TERT: variants seen among roughly 807,000 people sequenced by gnomAD.
TERT encodes telomerase catalytic subunit.
Under a neutral mutation model 104.0 loss-of-function variants are expected in TERT, and 42 were observed. The ratio of observed to expected loss-of-function variants is 0.40; its 90% CI spans 0.32 to 0.52. The LOEUF (loss-of-function observed/expected upper bound fraction) is 0.52, where lower values mean the gene tolerates loss of function less well. TERT is among the 20% of genes least tolerant of loss of function. The pLI is 0.43. For missense variants in TERT, 1,101 were observed against 1,610.3 expected, an observed-to-expected ratio of 0.68 and a Z score of 5.41; for synonymous variants, 781 against 725.6, an observed-to-expected ratio of 1.08 and a Z score of -1.23.
intron 14 of TERT, 76 bp from the exon 15 acceptor site, chr5:1,254,581 C>T (rs1747582089): frequency 6.6e-7 from 1 of 1,523,082 alleles, no homozygotes; most frequent in Non-Finnish European, 8.9e-7. Context: ...AAGCTGCCCA[C>T]ACCCGACGGT....
At chr5:1,260,759 C>T (rs1271785940) in intron 11 of TERT, among the ~76,000 whole-genome samples, 159 bp from the exon 12 acceptor site, 2 of 152,204 alleles carry the variant, frequency 1.3e-5, no homozygotes, top group Admixed American at 6.5e-5. Flanking sequence ...ACTCCATGGA[C>T]TCCAAATGCT....
intron 6 of TERT, 104 bp downstream of exon 6, chr5:1,278,537 A>C (rs1338800429): frequency 6.7e-7 from 1 of 1,502,192 alleles, no homozygotes; most frequent in Non-Finnish European, 9.3e-7. Context: ...AAATCATGGA[A>C]GTACCTCCAC....
chr5:1,282,645 C>T (rs1750109741), intron 2 of TERT, 21 bp from the exon 3 acceptor site: 3 of 1,612,926 alleles, frequency 1.9e-6, no homozygotes, highest in Non-Finnish European at 1.7e-6. Flanking sequence ...AAGGACATGC[C>T]ACATCCAGAT....
At chr5:1,258,561 C>T in intron 13 of TERT, 37 bp downstream of exon 13, 7 of 1,552,290 alleles carry the variant, frequency 4.5e-6, no homozygotes, top group Non-Finnish European at 6.1e-6. Context: ...CGGAGGGTCC[C>T]TGGAGGCTGG....
rs1750632881 is a variant in TERT at position 1,288,538 on chromosome 5, A to G, written c.1573+4775T>C. 6.6e-6 allele frequency among the ~76,000 whole-genome samples: 1 copy of G among 152,082 alleles called. No homozygotes were observed. Among genetic ancestry groups the G allele is most frequent in the East Asian group, 1.9e-4 (1 of 5,190 alleles). On this transcript the variant is annotated intron_variant, in intron 2 of 15. Transcript: ENST00000310581. This position sits in a 1 kb window ranked among gnomAD's most constrained non-coding sequence, Gnocchi z 5.3. ...CATGTGAGGGGGCGACTGGAGGCAG[A>G]GCCCAGCCTAAGCAATGAGCGGCAG...
Position 1,294,008 on chromosome 5 carries a change from C to A in TERT, c.878G>T (p.Arg293Leu), listed in dbSNP as rs1309920442. 2 of 1,582,468 alleles carry A rather than the reference C, an allele frequency of 1.3e-6. No homozygotes were observed. The highest frequency in any genetic ancestry group is 1.4e-5 in the African/African-American group (1 of 73,992). Residue 293 changes from arginine (R) to leucine (L), a missense_variant, in exon 2 of 16, where the codon CGC becomes CTC. Transcript: ENST00000310581. Reference protein sequence around the residue: ...TSLEGALSGTRHSHPSVGRQH... With the variant: ...TSLEGALSGTLHSHPSVGRQH... ...GCGGCCCACGGATGGGTGGGAGTGG[C>A]GCGTGCCAGAGAGCGCACCCTCCAA...
chr5:1,264,783 C>T (rs1056757153), intron 10 of TERT, among the ~76,000 whole-genome samples, 191 bp from the exon 11 acceptor site: 19 of 152,272 alleles, frequency 1.2e-4, no homozygotes, highest in Admixed American at 3.3e-4. Context: ...CCCTGTCTCC[C>T]GGGCAGGACA....
chr5:1,260,501 C>T lies in TERT; in HGVS notation c.2943G>A (p.Lys981=), dbSNP rs2126584386. 6.2e-7 allele frequency: 1 copy of T among 1,614,194 alleles called. No homozygotes were observed. The highest frequency in any genetic ancestry group is 8.5e-7 in the Non-Finnish European group (1 of 1,180,020). ...GCAAATCCAGAAACAGGCTGTGACA[C>T]TTCAGCCGCAAGACCCCAAAGAGTT... ...RRKLFGVLRL[K]CHSLFLDLQV... is the part of the protein sequence containing the mutation. The change falls in exon 12 of 16, where the codon AAG becomes AAA. Residue 981 remains lysine, a synonymous_variant. Coordinates refer to ENST00000310581, the MANE Select transcript of TERT (RefSeq NM_198253.3).
chr5:1,255,173 T>C lies in TERT; in HGVS notation c.3157+114A>G. 2 of 1,425,888 alleles carry C rather than the reference T, an allele frequency of 1.4e-6. No homozygotes were observed. The highest frequency in any genetic ancestry group is 1.9e-6 in the Non-Finnish European group (2 of 1,038,932). The allele number at this position is 1,425,888 out of a possible 1,614,324, so 88.3% of individuals were successfully genotyped here. Reference sequence around the variant, plus strand: ...CCTGACAGTGGTTGGGTTAAACCACTTCCTGATGCGAAAAGGGGTAAGAAC... The same window carrying C: ...CCTGACAGTGGTTGGGTTAAACCACCTCCTGATGCGAAAAGGGGTAAGAAC... On this transcript the variant is annotated intron_variant, in intron 14 of 15. Coordinates refer to ENST00000310581, the MANE Select transcript of TERT (RefSeq NM_198253.3). The surrounding 1 kb of genome is among the most constrained non-coding windows in gnomAD (Gnocchi z 6.9).
chr5:1,261,003 G>A lies in TERT; in HGVS notation c.2844-403C>T, dbSNP rs1748193883. Among the ~76,000 whole-genome samples the A allele has an allele frequency of 6.6e-6, 1 of 152,170 alleles. No individual in the cohort carries two copies. On this transcript the variant is annotated intron_variant, in intron 11 of 15. Coordinates refer to ENST00000310581, the MANE Select transcript of TERT (RefSeq NM_198253.3). The surrounding 1 kb of genome is among the most constrained non-coding windows in gnomAD (Gnocchi z 7.4). ...GTGGGAGAACACTGAGTTGGGCGTG[G>A]GGAATCTCACTGTGTTTGAATCTCA... is the stretch of plus-strand genomic sequence containing the variant.
At chr5:1,280,445 C>A in intron 3 of TERT, 107 bp from the exon 4 acceptor site, 1 of 1,260,598 alleles carries the variant, frequency 7.9e-7, no homozygotes, top group Non-Finnish European at 1.1e-6. Flanking sequence ...CTCAGGGCAC[C>A]CACGGCAGCA....
In TERT at chr5:1,253,660, G is replaced by T; in HGVS notation, c.*68C>A. 1 of 1,398,216 alleles carries T rather than the reference G, an allele frequency of 7.2e-7. No individual in the cohort carries two copies. The highest frequency in any genetic ancestry group is 1.0e-6 in the Non-Finnish European group (1 of 1,003,898). The allele number at this position is 1,398,216 out of a possible 1,614,324, so 86.6% of individuals were successfully genotyped here. ...GGGTGTGGGCCGCCCCTCCCTCCCTGGGACGTAGAGCCCGGCGTGACAGGG... is the reference window on the plus strand; with the variant it reads ...GGGTGTGGGCCGCCCCTCCCTCCCTTGGACGTAGAGCCCGGCGTGACAGGG... On this transcript the variant is annotated 3_prime_UTR_variant, in exon 16 of 16. Transcript: ENST00000310581.
chr5:1,286,029 C>T lies in TERT; in HGVS notation c.1574-3405G>A, dbSNP rs923095212. Among the ~76,000 whole-genome samples, 3 of 152,090 alleles carry T rather than the reference C, an allele frequency of 2.0e-5. No homozygotes were observed. The highest frequency in any genetic ancestry group is 4.1e-4 in the South Asian group (2 of 4,826). ...GCTGGCGCCACACCGCAGGTTTGCGCGATTTCAAACTCGACACCGCGGAGC... is the reference window on the plus strand; with the variant it reads ...GCTGGCGCCACACCGCAGGTTTGCGTGATTTCAAACTCGACACCGCGGAGC... On this transcript the variant is annotated intron_variant, in intron 2 of 15. Transcript: ENST00000310581. This position sits in a 1 kb window ranked among gnomAD's most constrained non-coding sequence, Gnocchi z 5.3.
At position 1,260,567 on chromosome 5, in the gene TERT, G is replaced by A; in HGVS notation, c.2877C>T (p.Thr959=). The A allele has an allele frequency of 6.2e-7, 1 of 1,614,172 alleles. No individual in the cohort carries two copies. The highest frequency in any genetic ancestry group is 1.3e-5 in the African/African-American group (1 of 75,058). ...YARTSIRASL[T]FNRGFKAGRN... is the part of the protein sequence containing the mutation. ...TCCCAGCCTTGAAGCCGCGGTTGAA[G>A]GTGAGACTGGCTCTGATGGAGGTCC... Residue 959 remains threonine, a synonymous_variant, in exon 12 of 16, where the codon ACC becomes ACT. Transcript: ENST00000310581.
At chr5:1,275,800 T>C (rs13156298) in intron 6 of TERT, among the ~76,000 whole-genome samples, 304 of 54,240 alleles carry the variant, frequency 5.6e-3, no homozygotes, top group Middle Eastern at 0.023. Flanking sequence ...GAAAACCAAC[T>C]CCACAGATCC....
Position 1,257,163 on chromosome 5 carries a change from G to A in TERT, c.3032+1435C>T, listed in dbSNP as rs1003365515. Reference sequence around the variant, plus strand: ...ACCCAAGGGTCCCCACATGGGTGGGGAAACTCAGCCGCCCTGCCCTGAGCC... The same window carrying A: ...ACCCAAGGGTCCCCACATGGGTGGGAAAACTCAGCCGCCCTGCCCTGAGCC... On this transcript the variant is annotated intron_variant, in intron 13 of 15. Coordinates refer to ENST00000310581, the MANE Select transcript of TERT (RefSeq NM_198253.3). This position sits in a 1 kb window ranked among gnomAD's most constrained non-coding sequence, Gnocchi z 5.6. Among the ~76,000 whole-genome samples, 1 of 152,206 alleles carries A rather than the reference G, an allele frequency of 6.6e-6. No individual in the cohort carries two copies. Among genetic ancestry groups the A allele is most frequent in the Non-Finnish European group, 1.5e-5 (1 of 68,026 alleles).
chr5:1,285,409 GCAGA>G (rs1561207560), intron 2 of TERT, among the ~76,000 whole-genome samples: 1 of 152,122 alleles, frequency 6.6e-6, no homozygotes, highest in East Asian at 1.9e-4. Flanking sequence ...ACGGGATCCC[GCAGA>G]CAAAGCTCAA....
At chr5:1,271,576 C>T (rs142125159) in intron 7 of TERT, among the ~76,000 whole-genome samples, 9 of 151,916 alleles carry the variant, frequency 5.9e-5, no homozygotes, top group Admixed American at 2.0e-4. Flanking sequence ...CAAGGAAATT[C>T]GCCCAGAGGT....
intron 10 of TERT, 112 bp from the exon 11 acceptor site, chr5:1,264,704 AGGGTGCTGG>A: frequency 2.2e-6 from 3 of 1,336,342 alleles, no homozygotes; most frequent in Non-Finnish European, 3.2e-6. Context: ...GATTTGGAGC[AGGGTGCTGG>A]GCCTGGCAGG....
Sources: gnomAD v4.1 joint callset for allele counts (sites outside exome capture counted in the v4.1 genomes callset) on GRCh38, gnomAD v4.1.1 for gene constraint, Gnocchi (gnomAD v3.1) non-coding constraint, MANE v1.5 for transcripts, NCBI Gene and HGNC (gene_info 2026-07-23, HGNC 2026-07-21) for gene names.